The following FBN1 variants were observed in gnomAD, a reference collection of about 807,000 sequenced individuals.
FBN1 encodes the protein fibrillin-1.
A neutral mutation model predicts 365.1 loss-of-function variants in FBN1; 29 were observed. The ratio of observed to expected loss-of-function variants is 0.08; its 90% CI spans 0.06 to 0.11. The LOEUF (loss-of-function observed/expected upper bound fraction) is 0.11, where lower values mean the gene tolerates loss of function less well. Among genes scored for constraint, FBN1 ranks in the 10% least tolerant of loss-of-function variants. The pLI is 1.00. For synonymous variants in FBN1, 1,210 were observed against 1,270.5 expected, an observed-to-expected ratio of 0.95 and a Z score of 1.01; for missense variants, 2,476 against 3,703.2, an observed-to-expected ratio of 0.67 and a Z score of 8.60.
intron 6 of FBN1, among the ~76,000 whole-genome samples, chr15:48,590,309 G>A (rs55946354): frequency 0.013 from 1,925 of 152,250 alleles, 42 homozygotes; most frequent in African/African-American, 0.044. Flanking sequence ...ATAAGGTAAA[G>A]TTTTTACTTT....
chr15:48,431,505 T>A (rs965916444), intron 55 of FBN1, among the ~76,000 whole-genome samples: 11 of 152,034 alleles, frequency 7.2e-5, no homozygotes, highest in Non-Finnish European at 1.2e-4. Flanking sequence ...GGATATATCT[T>A]AATATAACAA....
chr15:48,609,857 A>G (rs973430701), intron 4 of FBN1, among the ~76,000 whole-genome samples: 1 of 152,266 alleles, frequency 6.6e-6, no homozygotes, highest in Non-Finnish European at 1.5e-5. Context: ...AGACACACTC[A>G]AATGTTCAGA....
At chr15:48,631,241 T>G (rs1319179673) in intron 2 of FBN1, among the ~76,000 whole-genome samples, 1 of 152,028 alleles carries the variant, frequency 6.6e-6, no homozygotes, top group African/African-American at 2.4e-5. Flanking sequence ...GAAGAACAAA[T>G]AAGAATCTCT....
At chr15:48,420,827 C>T (rs1820756764) in intron 62 of FBN1, 21 bp from the exon 63 acceptor site, 1 of 1,612,762 alleles carries the variant, frequency 6.2e-7, no homozygotes. Flanking sequence ...AGCAGAGCCA[C>T]CATGATGCCA....
chr15:48,601,259 C>T (rs2044564409), intron 4 of FBN1, among the ~76,000 whole-genome samples: 1 of 152,204 alleles, frequency 6.6e-6, no homozygotes, highest in African/African-American at 2.4e-5. Flanking sequence ...CAGGCAAGTG[C>T]TCTCATTTCT....
At chr15:48,531,655 C>G (rs1291124736) in intron 8 of FBN1, among the ~76,000 whole-genome samples, 1 of 152,022 alleles carries the variant, frequency 6.6e-6, no homozygotes, top group African/African-American at 2.4e-5. Context: ...CAGCCGATGC[C>G]CAGAGTTATG....
intron 6 of FBN1, among the ~76,000 whole-genome samples, chr15:48,557,299 G>A (rs891374226): frequency 2.6e-5 from 4 of 152,134 alleles, no homozygotes; most frequent in African/African-American, 9.7e-5. Flanking sequence ...AGGTCACACA[G>A]CCACTGAAAA....
chr15:48,481,225 A>G (rs2043462143), intron 32 of FBN1, among the ~76,000 whole-genome samples: 1 of 152,208 alleles, frequency 6.6e-6, no homozygotes, highest in South Asian at 2.1e-4. Context: ...AATTGATGAA[A>G]TATATGAATT....
chr15:48,567,998 T>TGAGA lies in FBN1; in HGVS notation c.538+28284_538+28285insTCTC, dbSNP rs1555403244. Among the ~76,000 whole-genome samples, 203 of 56,528 alleles carry TGAGA rather than the reference T, an allele frequency of 3.6e-3. 3 individuals carry two copies. The highest frequency in any genetic ancestry group is 0.02 in the African/African-American group (193 of 9,742). The allele number at this position is 56,528 out of a possible 152,430, so 37.1% of individuals were successfully genotyped here. On this transcript the variant is annotated intron_variant, in intron 6 of 65. Transcript: ENST00000316623. The stretch of plus-strand genomic sequence containing the variant: ...AAGAAAAGAAATTAAAGTATACAGA[T>TGAGA]AAGAAAGAAAGAAAGAAAGAAAGAA...
rs185542380 is a variant in FBN1 at position 48,506,289 on chromosome 15, C to G, written c.1838-1142G>C. ...TAACAACTCCTTTTATAATATACAA[C>G]TAGTGTATGGGACTATTAACTTTCT... is the stretch of plus-strand genomic sequence containing the variant. On this transcript the variant is annotated intron_variant, in intron 15 of 65. Transcript: ENST00000316623. Among the ~76,000 whole-genome samples the G allele has an allele frequency of 2.3e-3, 349 of 152,214 alleles. 2 individuals carry two copies. Among genetic ancestry groups the G allele is most frequent in the African/African-American group, 8.1e-3 (335 of 41,546 alleles).
chr15:48,629,858 AC>A (rs143766885), intron 2 of FBN1, among the ~76,000 whole-genome samples: 2,220 of 152,296 alleles, frequency 0.015, 52 homozygotes, highest in African/African-American at 0.051. Context: ...ATCATGCCAC[AC>A]TTTTGTTTTC....
In FBN1 at chr15:48,596,320, T is replaced by C. The variant is rs2035074269; in HGVS notation, c.501A>G (p.Ala167=). 6.2e-7 allele frequency: 1 copy of C among 1,613,972 alleles called. No homozygotes were observed. Among genetic ancestry groups the C allele is most frequent in the African/African-American group, 1.3e-5 (1 of 74,916 alleles). Residue 167 remains alanine (A), a synonymous_variant, in exon 6 of 66, where the codon GCA becomes GCG. Transcript: ENST00000316623. ...GGGGTCCAGTAAATCCGTAAGTGCA[T>C]GCACATCGATTTGGGGCCACACACC... ...GGRCVAPNRC[A]CTYGFTGPQC...
intron 15 of FBN1, among the ~76,000 whole-genome samples, chr15:48,505,828 G>A (rs1317606634): frequency 2.0e-5 from 3 of 152,074 alleles, no homozygotes; most frequent in African/African-American, 4.8e-5. Context: ...AGACTTTATC[G>A]GACACATATT....
intron 6 of FBN1, among the ~76,000 whole-genome samples, chr15:48,582,788 C>A (rs1346287700): frequency 6.6e-6 from 1 of 152,148 alleles, no homozygotes; most frequent in Non-Finnish European, 1.5e-5. Context: ...TGGGGGAAAG[C>A]TAGGGATCAG....
At chr15:48,469,887 A>AGGG (rs1460085762) in intron 36 of FBN1, among the ~76,000 whole-genome samples, 1 of 152,118 alleles carries the variant, frequency 6.6e-6, no homozygotes, top group Non-Finnish European at 1.5e-5. Flanking sequence ...GAGCATTTGC[A>AGGG]GGGTGGTGGT....
chr15:48,462,061 G>C (rs1169922293), intron 42 of FBN1, among the ~76,000 whole-genome samples: 1 of 152,130 alleles, frequency 6.6e-6, no homozygotes, highest in African/African-American at 2.4e-5. Flanking sequence ...ATTATTTCTG[G>C]AGTAAACAAT....
Position 48,485,416 on chromosome 15 carries a change from G to T in FBN1, c.3670C>A (p.Gln1224Lys). The change falls in exon 30 of 66, where the codon CAG becomes AAG. Residue 1224 changes from glutamine (Q) to lysine (K), a missense_variant. This residue lies in a region of FBN1 where 1,780 missense variants were observed against 2,840.8 expected (regional missense o/e 0.63). Coordinates refer to ENST00000316623, the MANE Select transcript of FBN1 (RefSeq NM_000138.5). ...NSEGSYECSC[Q>K]PGFALMPDQR... ...TCAGGCATTAGTGCAAATCCCGGCT[G>T]ACAGCTACATTCATAGCTGCCTTCA... 2 of 1,614,190 alleles carry T rather than the reference G, an allele frequency of 1.2e-6. No individual in the cohort carries two copies. The highest frequency in any genetic ancestry group is 1.7e-6 in the Non-Finnish European group (2 of 1,180,030).
rs188058930 is a variant in FBN1 at position 48,432,090 on chromosome 15, G to C, written c.6739+776C>G. On this transcript the variant is annotated intron_variant, in intron 55 of 65. Coordinates refer to ENST00000316623, the MANE Select transcript of FBN1 (RefSeq NM_000138.5). Reference sequence around the variant, plus strand: ...TCATTTCCTTTTCTGGACTTGGTTGGGCCTTCCTCAGTCTTTACTTTCTGT... The same window carrying C: ...TCATTTCCTTTTCTGGACTTGGTTGCGCCTTCCTCAGTCTTTACTTTCTGT... Among the ~76,000 whole-genome samples, 225 of 151,568 alleles carry C rather than the reference G, an allele frequency of 1.5e-3. 1 individual carries two copies. Among genetic ancestry groups the C allele is most frequent in the African/African-American group, 5.2e-3 (213 of 41,284 alleles).
chr15:48,482,360 A>T (rs1203059665), intron 31 of FBN1, among the ~76,000 whole-genome samples: 2 of 152,232 alleles, frequency 1.3e-5, no homozygotes, highest in African/African-American at 4.8e-5. Context: ...ATAGAATAAC[A>T]GGAATTAAAA....
Sources: allele counts gnomAD v4.1 joint callset (sites outside exome capture counted in the v4.1 genomes callset), GRCh38; gene constraint gnomAD v4.1.1; regional missense constraint gnomAD v4.1.1; transcripts MANE v1.5; gene names NCBI Gene and HGNC (gene_info 2026-07-23, HGNC 2026-07-21).